The following ITSN1 variants were observed in gnomAD, a reference collection of about 807,000 sequenced individuals.
The protein encoded by ITSN1 is intersectin 1.
ITSN1 carries 58 observed loss-of-function variants against 239.8 expected under a neutral mutation model. That is an observed-to-expected ratio of 0.24 (90% confidence interval 0.20 to 0.30). ITSN1 has a LOEUF of 0.30. Ranked by LOEUF, ITSN1 falls within the 10% of genes least tolerant of loss-of-function variation. The pLI is 1.00. For missense variants in ITSN1, 1,558 were observed against 2,103.3 expected (o/e 0.74, Z 5.07); for synonymous variants, 780 against 770.8 (o/e 1.01, Z -0.20).
intron 1 of ITSN1, among the ~76,000 whole-genome samples, chr21:33,650,907 T>G (rs2088460514): frequency 6.6e-6 from 1 of 152,258 alleles, no homozygotes; most frequent in African/African-American, 2.4e-5. Context: ...CTGCTTATTT[T>G]TAGACCCCTT....
intron 39 of ITSN1, 106 bp downstream of exon 39, chr21:33,886,566 C>T: frequency 9.6e-7 from 1 of 1,037,402 alleles, no homozygotes; most frequent in Non-Finnish European, 1.4e-6. Flanking sequence ...CTTCGGTTTC[C>T]CTCCTGAGAG....
At chr21:33,790,864 A>C (rs189273681) in intron 16 of ITSN1, among the ~76,000 whole-genome samples, 1 of 152,068 alleles carries the variant, frequency 6.6e-6, no homozygotes, top group Non-Finnish European at 1.5e-5. Flanking sequence ...GTCACTTTGA[A>C]TTTTTTTCTT....
At chr21:33,705,034 C>G (rs1019220775) in intron 1 of ITSN1, among the ~76,000 whole-genome samples, 11 of 149,262 alleles carry the variant, frequency 7.4e-5, no homozygotes, top group African/African-American at 2.7e-4. Context: ...TGGCGTGAAC[C>G]TGGGAGGCAG....
chr21:33,654,303 G>A lies in ITSN1; in HGVS notation c.-33+11590G>A, dbSNP rs896378745. Among the ~76,000 whole-genome samples, 6 of 149,652 alleles carry A rather than the reference G, an allele frequency of 4.0e-5. No homozygotes were observed. The East Asian group carries it at 5.9e-4, about 15-fold the overall frequency. On this transcript the variant is annotated intron_variant, in intron 1 of 39. Transcript: ENST00000381318. ...ACTTCTGGACTCAAGTGGACCTCTCGCCTCAGCCTCCCCAAGTGCTGGGCT... is the reference window on the plus strand; with the variant it reads ...ACTTCTGGACTCAAGTGGACCTCTCACCTCAGCCTCCCCAAGTGCTGGGCT...
chr21:33,826,788 T>A, intron 25 of ITSN1, 30 bp from the exon 26 acceptor site: 1 of 1,607,838 alleles, frequency 6.2e-7, no homozygotes. Flanking sequence ...AACTTCAGCA[T>A]GCAAATGAGA....
chr21:33,746,153 G>A (rs553827346), intron 5 of ITSN1, among the ~76,000 whole-genome samples: 1 of 152,296 alleles, frequency 6.6e-6, no homozygotes, highest in Admixed American at 6.5e-5. Flanking sequence ...ATCAGGGGCT[G>A]CACAACAAGG....
At chr21:33,729,420 C>T (rs888419967) in intron 4 of ITSN1, among the ~76,000 whole-genome samples, 4 of 151,676 alleles carry the variant, frequency 2.6e-5, no homozygotes, top group Non-Finnish European at 2.9e-5. Flanking sequence ...TGTACTCCAG[C>T]CTGGGCAACA....
intron 1 of ITSN1, among the ~76,000 whole-genome samples, chr21:33,670,909 G>C (rs2090232565): frequency 6.6e-6 from 1 of 152,230 alleles, no homozygotes. Flanking sequence ...CTCTAAAACT[G>C]TGAGCAACTT....
chr21:33,783,702 A>G (rs1372665017), intron 16 of ITSN1, among the ~76,000 whole-genome samples: 3 of 152,134 alleles, frequency 2.0e-5, no homozygotes, highest in Admixed American at 1.3e-4. Context: ...AAAAAAAAAA[A>G]AAAAATAGCA....
chr21:33,823,272 A>G (rs2073794710), intron 24 of ITSN1, among the ~76,000 whole-genome samples: 1 of 152,188 alleles, frequency 6.6e-6, no homozygotes, highest in Non-Finnish European at 1.5e-5. Context: ...CTTCCCAGGA[A>G]TTGTCTCCCT....
At position 33,694,396 on chromosome 21, in the gene ITSN1, T is replaced by A. The variant is rs748729661; in HGVS notation, c.-32-24401T>A. Among the ~76,000 whole-genome samples, 13 of 152,224 alleles carry A rather than the reference T, an allele frequency of 8.5e-5. 1 individual carries two copies. The highest frequency in any genetic ancestry group is 1.5e-4 in the Non-Finnish European group (10 of 68,040). ...AGTTAAGATTATTTAAGTTTTTAAT[T>A]GTTAAAAATAAAGTCATGGTGAATG... On this transcript the variant is annotated intron_variant, in intron 1 of 39. Transcript: ENST00000381318.
intron 16 of ITSN1, among the ~76,000 whole-genome samples, chr21:33,785,358 G>A (rs2070575150): frequency 6.6e-6 from 1 of 152,226 alleles, no homozygotes; most frequent in African/African-American, 2.4e-5. Flanking sequence ...AGGTAATACA[G>A]GGAATAATCG....
chr21:33,854,138 T>C (rs1440928932), intron 29 of ITSN1, among the ~76,000 whole-genome samples: 1 of 152,204 alleles, frequency 6.6e-6, no homozygotes, highest in Non-Finnish European at 1.5e-5. Context: ...AAGGTGTGCA[T>C]TGTACACATG....
intron 22 of ITSN1, chr21:33,817,215 C>T (rs116971807): frequency 2.2e-5 from 28 of 1,293,000 alleles, no homozygotes; most frequent in Non-Finnish European, 2.8e-5. Context: ...ATAAATGCCT[C>T]ACCCTGCCTT....
intron 1 of ITSN1, among the ~76,000 whole-genome samples, chr21:33,679,617 T>C (rs986541471): frequency 2.6e-5 from 4 of 152,178 alleles, no homozygotes; most frequent in African/African-American, 7.2e-5. Flanking sequence ...AAATAAAATT[T>C]ATCGTATTGA....
At chr21:33,719,162 C>T (rs918536774) in intron 2 of ITSN1, among the ~76,000 whole-genome samples, 8 of 152,180 alleles carry the variant, frequency 5.3e-5, no homozygotes, top group East Asian at 1.9e-4. Context: ...AATACCGGGC[C>T]GGGCATGGTG....
At chr21:33,667,595 A>G (rs1047906459) in intron 1 of ITSN1, among the ~76,000 whole-genome samples, 2 of 152,114 alleles carry the variant, frequency 1.3e-5, no homozygotes, top group African/African-American at 2.4e-5. Context: ...GATTAAATCT[A>G]TAGTTTTGAA....
At chr21:33,880,685 A>G (rs1349503005) in intron 34 of ITSN1, among the ~76,000 whole-genome samples, 2 of 152,074 alleles carry the variant, frequency 1.3e-5, no homozygotes, top group South Asian at 4.1e-4. Flanking sequence ...TTACGAACCT[A>G]TCACTCCTTC....
chr21:33,669,665 A>G (rs891085892), intron 1 of ITSN1, among the ~76,000 whole-genome samples: 14 of 147,186 alleles, frequency 9.5e-5, no homozygotes, highest in African/African-American at 3.5e-4. Context: ...TTGGTCTTGA[A>G]CTCCTGACCT....
Sources: allele counts gnomAD v4.1 joint callset (sites outside exome capture counted in the v4.1 genomes callset), GRCh38; gene constraint gnomAD v4.1.1; transcripts MANE v1.5; gene names NCBI Gene and HGNC (gene_info 2026-07-23, HGNC 2026-07-21).